Variants in NUP160 observed in about 807,000 individuals in gnomAD.
NUP160 encodes the protein nucleoporin 160, also known as nuclear pore complex protein Nup160.
In NUP160, 94 loss-of-function variants were observed where a neutral mutation model predicts 196.9. The observed-to-expected ratio is 0.48, with a 90% CI of 0.40 to 0.57. NUP160 has a LOEUF of 0.57. NUP160 is among the 20% of genes least tolerant of loss of function. The pLI is 0.00. For missense variants in NUP160, 1,638 were observed against 1,748.3 expected (o/e 0.94, Z 1.13); for synonymous variants, 605 against 619.7 (o/e 0.98, Z 0.35).
chr11:47,847,899 T>G, exon 2 of NUP160: 1 of 1,614,178 alleles, frequency 6.2e-7, no homozygotes, highest in Non-Finnish European at 8.5e-7. Context: ...ACTCTCCACG[T>G]AGTAAAAGCC....
chr11:47,845,289 T>G (rs1218685991), intron 2 of NUP160, among the ~76,000 whole-genome samples: 1 of 152,160 alleles, frequency 6.6e-6, no homozygotes, highest in Non-Finnish European at 1.5e-5. Context: ...TATAGGCATG[T>G]GCCATCATGC....
intron 11 of NUP160, among the ~76,000 whole-genome samples, chr11:47,817,491 C>T (rs1454832493): frequency 1.3e-5 from 2 of 151,896 alleles, no homozygotes; most frequent in Non-Finnish European, 2.9e-5. Flanking sequence ...GGACTATAGG[C>T]GTGTGCCACC....
chr11:47,847,648 T>TGGGGGGGGGGG (rs56283744), intron 2 of NUP160, among the ~76,000 whole-genome samples, 200 bp downstream of exon 2: 49 of 77,476 alleles, frequency 6.3e-4, no homozygotes, highest in Non-Finnish European at 7.9e-4. Flanking sequence ...TGTGTGGGGG[T>TGGGGGGGGGGG]GGGGGGGGGG....
At chr11:47,789,557 TCTTA>T (rs1478036007) in intron 29 of NUP160, among the ~76,000 whole-genome samples, 6 of 152,188 alleles carry the variant, frequency 3.9e-5, no homozygotes, top group African/African-American at 1.4e-4. Flanking sequence ...TTTTCATTTC[TCTTA>T]CTGTTGTACA....
intron 33 of NUP160, chr11:47,784,611 T>G (rs1156555005): frequency 5.6e-6 from 1 of 177,140 alleles, no homozygotes; most frequent in Non-Finnish European, 1.2e-5. Flanking sequence ...GAATTTGAAT[T>G]GTTCTTATGG....
intron 13 of NUP160, among the ~76,000 whole-genome samples, chr11:47,814,273 A>G (rs996516625): frequency 6.6e-6 from 1 of 151,914 alleles, no homozygotes; most frequent in African/African-American, 2.4e-5. Flanking sequence ...AACTAAATAC[A>G]TATATTAGAT....
At chr11:47,788,381 G>T in intron 30 of NUP160, 76 bp from the exon 31 acceptor site, 1 of 1,575,978 alleles carries the variant, frequency 6.3e-7, no homozygotes, top group Non-Finnish European at 8.7e-7. Flanking sequence ...TTTTGTTGAT[G>T]AGTATCTCTG....
intron 28 of NUP160, 112 bp from the exon 29 acceptor site, chr11:47,792,102 G>A: frequency 2.9e-6 from 2 of 701,608 alleles, no homozygotes; most frequent in South Asian, 4.1e-5. Flanking sequence ...AATTATTTTT[G>A]TTTCGACCAG....
intron 20 of NUP160, 129 bp from the exon 21 acceptor site, chr11:47,804,747 C>A: frequency 1.7e-6 from 1 of 591,930 alleles, no homozygotes; most frequent in East Asian, 3.2e-5. Flanking sequence ...GTTGGCCAAC[C>A]ACATGTTCTT....
chr11:47,796,884 G>T (rs2097671179), intron 27 of NUP160, among the ~76,000 whole-genome samples: 1 of 152,162 alleles, frequency 6.6e-6, no homozygotes, highest in Admixed American at 6.5e-5. Flanking sequence ...GTAGAGAGGG[G>T]ATTTCACCAT....
intron 4 of NUP160, 25 bp from the exon 5 acceptor site, chr11:47,837,648 T>C (rs1249850041): frequency 6.3e-6 from 10 of 1,585,060 alleles, no homozygotes; most frequent in Non-Finnish European, 8.7e-6. Flanking sequence ...AAGGCACCTC[T>C]TGAACACACT....
intron 22 of NUP160, 117 bp downstream of exon 22, chr11:47,803,318 CTTT>C: frequency 1.5e-6 from 1 of 657,196 alleles, no homozygotes; most frequent in Admixed American, 2.6e-5. Context: ...GTACAGTCTT[CTTT>C]AACTTTATGT....
intron 3 of NUP160, 138 bp downstream of exon 3, chr11:47,840,240 G>C (rs1248667271): frequency 2.3e-6 from 2 of 858,256 alleles, no homozygotes; most frequent in African/African-American, 1.7e-5. Context: ...ATTTTAAGCG[G>C]TAGCTATCAA....
chr11:47,844,290 C>CA (rs1468423802), intron 2 of NUP160, among the ~76,000 whole-genome samples: 1 of 152,156 alleles, frequency 6.6e-6, no homozygotes, highest in Admixed American at 6.5e-5. Context: ...GCAGTCAAAG[C>CA]AATCCTTTAG....
intron 7 of NUP160, 97 bp from the exon 8 acceptor site, chr11:47,822,261 A>AATT: frequency 1.6e-6 from 1 of 615,312 alleles, no homozygotes; most frequent in East Asian, 3.8e-5. Context: ...TTAAAAAAAA[A>AATT]TTTTTTTTTT....
chr11:47,825,915 T>C (rs1851957380), intron 7 of NUP160, among the ~76,000 whole-genome samples: 1 of 152,138 alleles, frequency 6.6e-6, no homozygotes, highest in Non-Finnish European at 1.5e-5. Context: ...GAAAATTTAC[T>C]GTAAATTGAT....
At chr11:47,784,744 G>T in intron 33 of NUP160, 178 bp downstream of exon 33, 1 of 391,496 alleles carries the variant, frequency 2.6e-6, no homozygotes, top group Non-Finnish European at 4.6e-6. Flanking sequence ...GTCTCCCTGT[G>T]TTGCCCAAGC....
chr11:47,810,793 A>G (rs1347089764), intron 17 of NUP160, among the ~76,000 whole-genome samples: 1 of 151,902 alleles, frequency 6.6e-6, no homozygotes, highest in African/African-American at 2.4e-5. Flanking sequence ...TGATCTGCCC[A>G]CCTCAGCCTC....
chr11:47,794,805 AGG>A, intron 27 of NUP160, among the ~76,000 whole-genome samples: 2 of 151,984 alleles, frequency 1.3e-5, no homozygotes, highest in Non-Finnish European at 2.9e-5. Context: ...CCAGCTACTC[AGG>A]AGTCTGAGGC....
Sources: gnomAD v4.1 joint callset for allele counts (sites outside exome capture counted in the v4.1 genomes callset) on GRCh38, gnomAD v4.1.1 for gene constraint, MANE v1.5 for transcripts, NCBI Gene and HGNC (gene_info 2026-07-23, HGNC 2026-07-21) for gene names.